WNK2: variants seen among roughly 807,000 people sequenced by gnomAD.
The protein encoded by WNK2 is serine/threonine-protein kinase WNK2.
A neutral mutation model predicts 192.1 loss-of-function variants in WNK2; 67 were observed. That is an observed-to-expected ratio of 0.35 (90% CI 0.29 to 0.43). The LOEUF (loss-of-function observed/expected upper bound fraction) is 0.43. WNK2 is among the 20% of genes least tolerant of loss of function. The pLI, the probability that WNK2 is intolerant of heterozygous loss-of-function variation, is 1.00. For synonymous variants in WNK2, 1,439 were observed against 1,393.9 expected, an observed-to-expected ratio of 1.03 and a Z score of -0.72; for missense variants, 2,698 against 3,089.7, an observed-to-expected ratio of 0.87 and a Z score of 3.01.
At chr9:93,188,773 G>C (rs2130916571) in intron 2 of WNK2, among the ~76,000 whole-genome samples, 1 of 152,272 alleles carries the variant, frequency 6.6e-6, no homozygotes, top group African/African-American at 2.4e-5. Flanking sequence ...CAGCTACCCT[G>C]GGGGTGCTGA....
Position 93,185,127 on chromosome 9 carries a change from G to GC in WNK2, c.203dup (p.Gln69AlafsTer88). 7.7e-7 allele frequency: 1 copy of GC among 1,303,848 alleles called. No homozygotes were observed. 80.8% of individuals were successfully genotyped at this position (1,303,848 alleles called of 1,614,324 possible). A position where few individuals can be genotyped will look rare whatever the true frequency, so the allele number is the denominator to read the frequency against. ...AGGCAGCCGAGGCGCCGGGCCCGCA[G>GC]CCCCCGCAGCCCCTGCAGCGCCGGG... is the stretch of plus-strand genomic sequence containing the variant. On this transcript the variant is annotated frameshift_variant, in exon 2 of 30. Transcript: ENST00000427277. LOFTEE classifies it high-confidence loss of function.
At chr9:93,195,126 G>A (rs1564271059) in intron 2 of WNK2, among the ~76,000 whole-genome samples, 1 of 152,108 alleles carries the variant, frequency 6.6e-6, no homozygotes, top group South Asian at 2.1e-4. Context: ...TACTTTACTG[G>A]TGAATACATG....
chr9:93,235,166 G>A (rs1245595954), intron 5 of WNK2, among the ~76,000 whole-genome samples: 1 of 152,218 alleles, frequency 6.6e-6, no homozygotes, highest in Non-Finnish European at 1.5e-5. Flanking sequence ...GGTTACTCAA[G>A]GTCTCCTACC....
At chr9:93,268,901 G>GTA in intron 19 of WNK2, 155 bp downstream of exon 19, 1 of 1,565,182 alleles carries the variant, frequency 6.4e-7, no homozygotes, top group Non-Finnish European at 8.7e-7. Flanking sequence ...GTGGGGCTGT[G>GTA]TTCCTATCCT....
At chr9:93,315,939 A>G (rs1295656529) in intron 28 of WNK2, 1 of 151,924 alleles carries the variant, frequency 6.6e-6, no homozygotes, top group Non-Finnish European at 1.5e-5. Flanking sequence ...AGCTTTAGCT[A>G]TTGCTTTAGA....
chr9:93,212,547 T>C lies in WNK2; in HGVS notation c.682-17149T>C, dbSNP rs189200902. ...CTATGGCCCCCAGAGTGGCCTGTGG[T>C]CGGGGCACATGATGGGGAGGCAGCC... On this transcript the variant is annotated intron_variant, in intron 2 of 29. Coordinates refer to ENST00000427277, the MANE Select transcript of WNK2 (RefSeq NM_006648.4). Among the ~76,000 whole-genome samples the C allele has an allele frequency of 4.9e-3, 748 of 152,262 alleles. 3 individuals are homozygous for C. The highest frequency in any genetic ancestry group is 0.016 in the African/African-American group (658 of 41,566).
At chr9:93,195,721 A>AAAAAAAAAAAAC (rs1831149581) in intron 2 of WNK2, among the ~76,000 whole-genome samples, 1 of 151,132 alleles carries the variant, frequency 6.6e-6, no homozygotes, top group African/African-American at 2.4e-5. Context: ...AAAAAAAAAA[A>AAAAAAAAAAAAC]AAAGATGTTG....
intron 19 of WNK2, among the ~76,000 whole-genome samples, chr9:93,280,464 A>C (rs1847559624): frequency 6.6e-6 from 1 of 152,218 alleles, no homozygotes. Flanking sequence ...TTAAAAAGTA[A>C]ATGTGCAGAT....
chr9:93,265,226 A>G (rs1355040564), intron 16 of WNK2, among the ~76,000 whole-genome samples: 3 of 152,236 alleles, frequency 2.0e-5, no homozygotes, highest in East Asian at 3.8e-4. Context: ...TGCAGCAGAG[A>G]CCACAGGGGA....
At chr9:93,248,319 A>C (rs1842074822) in intron 8 of WNK2, among the ~76,000 whole-genome samples, 5 of 152,252 alleles carry the variant, frequency 3.3e-5, no homozygotes, top group Admixed American at 1.3e-4. Flanking sequence ...ATCTGTAACC[A>C]GGAGATTAAG....
At chr9:93,317,828 C>A (rs1349649557) in intron 29 of WNK2, 197 bp downstream of exon 29, 6 of 1,498,498 alleles carry the variant, frequency 4.0e-6, no homozygotes, top group Non-Finnish European at 8.9e-7. Flanking sequence ...GCATGCCTGG[C>A]CCCCGGCTGC....
At chr9:93,237,363 T>C (rs567076667) in intron 5 of WNK2, among the ~76,000 whole-genome samples, 1 of 152,308 alleles carries the variant, frequency 6.6e-6, no homozygotes, top group Non-Finnish European at 1.5e-5. Flanking sequence ...GAATAGAGCC[T>C]CAGTGACCAT....
chr9:93,202,325 C>CGTGT (rs761769543), intron 2 of WNK2, among the ~76,000 whole-genome samples: 22,242 of 130,164 alleles, frequency 0.17, 2,129 homozygotes, highest in South Asian at 0.37. Context: ...TCCGTGTGCA[C>CGTGT]GTGTGTGTGT....
chr9:93,234,781 A>T, intron 4 of WNK2, 27 bp from the exon 5 acceptor site: 1 of 1,604,018 alleles, frequency 6.2e-7, no homozygotes, highest in Non-Finnish European at 8.5e-7. Context: ...GCCAGCTGAC[A>T]GCTGCGTCTG....
At chr9:93,189,227 G>T (rs1021448516) in intron 2 of WNK2, among the ~76,000 whole-genome samples, 3 of 152,168 alleles carry the variant, frequency 2.0e-5, no homozygotes, top group Non-Finnish European at 2.9e-5. Context: ...TACTTTAGGG[G>T]ACACAGGATC....
chr9:93,185,530 C>T lies in WNK2; in HGVS notation c.601C>T (p.Leu201=). 6.2e-7 allele frequency: 1 copy of T among 1,613,010 alleles called. No individual in the cohort carries two copies. The highest frequency in any genetic ancestry group is 8.5e-7 in the Non-Finnish European group (1 of 1,179,714). Residue 201 remains leucine (L), a synonymous_variant, in exon 2 of 30, where the codon CTG becomes TTG. Transcript: ENST00000427277. ...DGRFLKFDIE[L]GRGSFKTVYK... is the part of the protein sequence containing the mutation. Reference sequence around the variant, plus strand: ...CCGCTTCCTCAAGTTCGACATCGAGCTGGGCCGCGGTTCCTTCAAGACGGT... The same window carrying T: ...CCGCTTCCTCAAGTTCGACATCGAGTTGGGCCGCGGTTCCTTCAAGACGGT...
chr9:93,228,066 G>A (rs1838119358), intron 2 of WNK2, among the ~76,000 whole-genome samples: 1 of 152,104 alleles, frequency 6.6e-6, no homozygotes, highest in African/African-American at 2.4e-5. Context: ...TTTGGGAGTT[G>A]CCGTTGGTCT....
At chr9:93,274,515 C>CAAAAAAAAAAAAAAAAAAAA (rs67350876) in intron 19 of WNK2, among the ~76,000 whole-genome samples, 3 of 118,394 alleles carry the variant, frequency 2.5e-5, no homozygotes, top group African/African-American at 1.0e-4. Context: ...CCGTCTCAAC[C>CAAAAAAAAAAAAAAAAAAAA]AAAAAAAAAA....
At chr9:93,280,912 G>T (rs897817524) in intron 19 of WNK2, among the ~76,000 whole-genome samples, 1 of 152,104 alleles carries the variant, frequency 6.6e-6, no homozygotes, top group Non-Finnish European at 1.5e-5. Flanking sequence ...GGAATCAATT[G>T]TTGATACACA....
Sources: gnomAD v4.1 joint callset for allele counts (sites outside exome capture counted in the v4.1 genomes callset) on GRCh38, gnomAD v4.1.1 for gene constraint, MANE v1.5 for transcripts, NCBI Gene and HGNC (gene_info 2026-07-23, HGNC 2026-07-21) for gene names.